TMEM131: variants seen among roughly 807,000 people sequenced by gnomAD.
The protein encoded by TMEM131 is 2610524E03Rik.
TMEM131 carries 66 observed loss-of-function variants against 211.6 expected under a neutral mutation model. The observed-to-expected ratio is 0.31, with a 90% CI of 0.26 to 0.38. TMEM131 has a LOEUF of 0.38. TMEM131 is among the 10% of genes least tolerant of loss of function. TMEM131 has a pLI of 1.00. For missense variants in TMEM131, 2,036 were observed against 2,299.3 expected (o/e 0.89, Z 2.34); for synonymous variants, 844 against 841.3 (o/e 1.00, Z -0.06).
chr2:97,882,948 A>G (rs917992321), intron 4 of TMEM131, among the ~76,000 whole-genome samples: 4 of 152,168 alleles, frequency 2.6e-5, no homozygotes, highest in Non-Finnish European at 5.9e-5. Context: ...AATAAATGAC[A>G]AATTTATTTT....
At chr2:97,974,106 A>G (rs2104613660) in intron 1 of TMEM131, among the ~76,000 whole-genome samples, 1 of 152,360 alleles carries the variant, frequency 6.6e-6, no homozygotes, top group South Asian at 2.1e-4. Flanking sequence ...AGGTATTATA[A>G]ATGTGTTCCA....
chr2:97,911,003 A>C (rs992452683), intron 2 of TMEM131, among the ~76,000 whole-genome samples: 1 of 152,208 alleles, frequency 6.6e-6, no homozygotes, highest in Admixed American at 6.5e-5. Context: ...GCTTTGTTAC[A>C]GCTCAGTATT....
chr2:97,822,930 C>T (rs920470337), intron 11 of TMEM131, among the ~76,000 whole-genome samples: 9 of 152,128 alleles, frequency 5.9e-5, no homozygotes, highest in Non-Finnish European at 8.8e-5. Context: ...TTCTGCACTA[C>T]GGCCTGGTCC....
At chr2:97,864,323 C>G (rs1330816778) in intron 4 of TMEM131, among the ~76,000 whole-genome samples, 1 of 151,726 alleles carries the variant, frequency 6.6e-6, no homozygotes, top group East Asian at 1.9e-4. Context: ...TAGCACAACA[C>G]GGTGACTACA....
At chr2:97,846,576 T>C (rs1042459459) in intron 5 of TMEM131, among the ~76,000 whole-genome samples, 4 of 152,140 alleles carry the variant, frequency 2.6e-5, no homozygotes, top group African/African-American at 9.7e-5. Flanking sequence ...TAAAGAAGCT[T>C]GTCCATCCTG....
At chr2:97,909,958 T>G (rs1343521028) in intron 2 of TMEM131, among the ~76,000 whole-genome samples, 1 of 152,172 alleles carries the variant, frequency 6.6e-6, no homozygotes, top group Non-Finnish European at 1.5e-5. Flanking sequence ...CCCCATGCAG[T>G]GGGAGAAAAT....
In TMEM131 at chr2:97,793,448, A is replaced by G. The variant is rs1363634893; in HGVS notation, c.3492T>C (p.Asp1164=). The change falls in exon 30 of 41, where the codon GAT becomes GAC. Residue 1164 remains aspartate, a synonymous_variant. Coordinates refer to ENST00000186436, the MANE Select transcript of TMEM131 (RefSeq NM_015348.2). ...TCCTGAGATCAAATGGCCTTCCCACATCGAAGGGCGGGTTCGAGGCCTCAA... is the reference window on the plus strand; with the variant it reads ...TCCTGAGATCAAATGGCCTTCCCACGTCGAAGGGCGGGTTCGAGGCCTCAA... The part of the protein sequence containing the change: ...LSFEASNPPF[D]VGRPFDLRRI... 1 of 1,613,948 alleles carries G rather than the reference A, an allele frequency of 6.2e-7. No individual in the cohort carries two copies. Among genetic ancestry groups the G allele is most frequent in the Non-Finnish European group, 8.5e-7 (1 of 1,179,866 alleles).
At chr2:97,896,138 G>T (rs1388417017) in intron 3 of TMEM131, among the ~76,000 whole-genome samples, 1 of 152,146 alleles carries the variant, frequency 6.6e-6, no homozygotes, top group Non-Finnish European at 1.5e-5. Context: ...TAGTCATTCA[G>T]GAGCAGGTTG....
At chr2:97,846,800 A>G (rs1475977746) in intron 5 of TMEM131, among the ~76,000 whole-genome samples, 1 of 152,128 alleles carries the variant, frequency 6.6e-6, no homozygotes, top group Non-Finnish European at 1.5e-5. Context: ...CACAGCATTT[A>G]ATGGTGAATG....
intron 22 of TMEM131, 145 bp downstream of exon 22, chr2:97,804,943 C>T (rs898591559): frequency 1.8e-6 from 1 of 548,028 alleles, no homozygotes; most frequent in Non-Finnish European, 3.2e-6. Flanking sequence ...ATTTAAGATG[C>T]CTCACTAATA....
intron 1 of TMEM131, among the ~76,000 whole-genome samples, chr2:97,942,488 AAT>A (rs1677783392): frequency 7.9e-6 from 1 of 126,218 alleles, no homozygotes; most frequent in Non-Finnish European, 1.7e-5. Flanking sequence ...AAAAAAAAAA[AAT>A]ACAAAAAAAA....
intron 2 of TMEM131, among the ~76,000 whole-genome samples, chr2:97,918,163 C>T (rs1676590736): frequency 6.6e-6 from 1 of 152,014 alleles, no homozygotes; most frequent in South Asian, 2.1e-4. Flanking sequence ...ACGCTGGTCT[C>T]GAACTCCTGA....
chr2:97,888,030 A>T (rs371783066), intron 4 of TMEM131, 22 bp downstream of exon 4: 318 of 1,596,752 alleles, frequency 2.0e-4, no homozygotes, highest in Middle Eastern at 1.3e-3. Flanking sequence ...GGGAAAGTAC[A>T]GTCCAAAAAT....
intron 25 of TMEM131, among the ~76,000 whole-genome samples, chr2:97,801,600 T>G (rs1681038711): frequency 6.6e-6 from 1 of 152,180 alleles, no homozygotes; most frequent in Non-Finnish European, 1.5e-5. Context: ...TGTATTAATA[T>G]TTACCTCATC....
At chr2:97,949,811 C>T (rs1429357929) in intron 1 of TMEM131, among the ~76,000 whole-genome samples, 8 of 87,088 alleles carry the variant, frequency 9.2e-5, no homozygotes, top group African/African-American at 3.9e-4. Flanking sequence ...CAGAGTGAGA[C>T]TGTCTCAAAA....
chr2:97,975,520 T>C (rs1290845622), intron 1 of TMEM131, among the ~76,000 whole-genome samples: 2 of 152,122 alleles, frequency 1.3e-5, no homozygotes, highest in Non-Finnish European at 2.9e-5. Flanking sequence ...TTTGACAACT[T>C]AGATGAAATG....
intron 2 of TMEM131, among the ~76,000 whole-genome samples, chr2:97,916,722 C>T (rs1034653026): frequency 3.9e-5 from 6 of 152,132 alleles, no homozygotes; most frequent in African/African-American, 1.2e-4. Context: ...TATTGCAGAG[C>T]GGTTAAAAAC....
At chr2:97,992,482 T>C (rs1680310701) in intron 1 of TMEM131, among the ~76,000 whole-genome samples, 1 of 152,208 alleles carries the variant, frequency 6.6e-6, no homozygotes, top group African/African-American at 2.4e-5. Context: ...ATAAAACATG[T>C]GACAATGAAA....
At chr2:97,891,388 C>A (rs930641499) in intron 3 of TMEM131, among the ~76,000 whole-genome samples, 7 of 152,030 alleles carry the variant, frequency 4.6e-5, no homozygotes, top group Non-Finnish European at 8.8e-5. Context: ...CTGGGCTCAC[C>A]CTTTGACAAT....
Sources: allele counts gnomAD v4.1 joint callset (sites outside exome capture counted in the v4.1 genomes callset), GRCh38; gene constraint gnomAD v4.1.1; transcripts MANE v1.5; gene names NCBI Gene and HGNC (gene_info 2026-07-23, HGNC 2026-07-21).